Variants in DPP6 observed in about 807,000 individuals in gnomAD.
DPP6 encodes A-type potassium channel modulatory protein DPP6.
In DPP6, 69 loss-of-function variants were observed where a neutral mutation model predicts 122.6. The observed-to-expected ratio is 0.56, with a 90% confidence interval of 0.46 to 0.69. The LOEUF is 0.69. DPP6 is among the 30% of genes least tolerant of loss of function. The pLI, the probability that DPP6 is intolerant of heterozygous loss-of-function variation, is 0.00. For missense variants in DPP6, 928 were observed against 1,116.9 expected, an observed-to-expected ratio of 0.83 and a Z score of 2.41; for synonymous variants, 418 against 433.1, an observed-to-expected ratio of 0.97 and a Z score of 0.43.
chr7:154,352,238 C>T (rs933874554), intron 1 of DPP6, among the ~76,000 whole-genome samples: 2 of 152,082 alleles, frequency 1.3e-5, no homozygotes, highest in Non-Finnish European at 2.9e-5. Context: ...CCGAGGTGGG[C>T]AGATCATGAG....
Position 154,587,934 on chromosome 7 carries a change from C to T in DPP6, c.627+21018C>T, listed in dbSNP as rs1452151582. ...TCCCAGGAGGCAGGACTGCCAATGG[C>T]ACCAGGCTTCGCAGCCATGCACCTG... On this transcript the variant is annotated intron_variant, in intron 5 of 25. Transcript: ENST00000377770. The T allele has an allele frequency of 2.5e-6, 4 of 1,612,920 alleles. No individual in the cohort carries two copies. The Admixed American group carries it at 6.7e-5, about 27-fold the overall frequency.
the DPP6 span, among the ~76,000 whole-genome samples, chr7:153,839,537 C>T: frequency 6.6e-6 from 1 of 152,222 alleles, no homozygotes; most frequent in Non-Finnish European, 1.5e-5. Flanking sequence ...CAACCTCAGA[C>T]AGCCACAACA....
chr7:154,521,175 T>G (rs185155783), intron 3 of DPP6, among the ~76,000 whole-genome samples: 62 of 152,340 alleles, frequency 4.1e-4, no homozygotes, highest in African/African-American at 1.3e-3. Context: ...AGGAAAGGGC[T>G]TGGCTGATAA....
At chr7:154,093,125 AAC>A (rs1027183761) in intron 1 of DPP6, among the ~76,000 whole-genome samples, 3 of 151,346 alleles carry the variant, frequency 2.0e-5, no homozygotes, top group African/African-American at 7.3e-5. Context: ...CACACCACAT[AAC>A]ACACATCCTA....
intron 1 of DPP6, among the ~76,000 whole-genome samples, chr7:154,166,670 G>A (rs1797268279): frequency 7.0e-6 from 1 of 141,882 alleles, no homozygotes; most frequent in African/African-American, 3.0e-5. Context: ...CGGCAATTTG[G>A]GAGGCTGAGG....
chr7:153,867,613 T>G, the DPP6 span, among the ~76,000 whole-genome samples: 1 of 152,200 alleles, frequency 6.6e-6, no homozygotes, highest in African/African-American at 2.4e-5. Context: ...CAATTTGACT[T>G]CCTCTTTTCC....
chr7:154,397,129 A>G (rs572236725), intron 1 of DPP6, among the ~76,000 whole-genome samples: 15 of 150,322 alleles, frequency 1.0e-4, no homozygotes, highest in African/African-American at 1.9e-4. Flanking sequence ...AAATTATAAG[A>G]TAAATTTATA....
At chr7:154,117,664 G>C (rs71532634) in intron 1 of DPP6, among the ~76,000 whole-genome samples, 5 of 152,252 alleles carry the variant, frequency 3.3e-5, no homozygotes, top group African/African-American at 7.2e-5. Flanking sequence ...GTCAAATGTC[G>C]TGAGCTTAGA....
chr7:154,829,447 GA>G lies in DPP6; in HGVS notation c.1666+22337del, dbSNP rs1280140306. On this transcript the variant is annotated intron_variant, in intron 16 of 25. Transcript: ENST00000377770. ...AGGAGGAGAGGAGGAGAGGGGAGGG[GA>G]ATGGTGGGGAGGGGAGGGAGGAGGG... 2.5e-4 allele frequency among the ~76,000 whole-genome samples: 26 copies of G among 103,422 alleles called. No individual in the cohort carries two copies. In the South Asian group the frequency reaches 2.9e-3, roughly 11 times the overall value. The allele number at this position is 103,422 out of a possible 152,430, so 67.8% of individuals were successfully genotyped here. A position where few individuals can be genotyped will look rare whatever the true frequency, so the allele number is the denominator to read the frequency against.
the DPP6 span, among the ~76,000 whole-genome samples, chr7:153,846,687 C>CTTTTTTTTTTTTT: frequency 1.3e-5 from 1 of 78,208 alleles, no homozygotes; most frequent in Non-Finnish European, 2.3e-5. Flanking sequence ...TGGCTTGGTT[C>CTTTTTTTTTTTTT]TTTTTTTTTT....
the DPP6 span, among the ~76,000 whole-genome samples, chr7:153,858,580 GC>G: frequency 6.6e-6 from 1 of 152,102 alleles, no homozygotes; most frequent in African/African-American, 2.4e-5. Context: ...CATGTGCTGG[GC>G]ATTTCCAAGA....
chr7:154,523,717 G>C (rs1219191698), intron 3 of DPP6, among the ~76,000 whole-genome samples: 1 of 152,090 alleles, frequency 6.6e-6, no homozygotes. Context: ...CAGTTGTATT[G>C]TAGGCCCTCC....
intron 1 of DPP6, among the ~76,000 whole-genome samples, chr7:154,086,925 G>A (rs1466444194): frequency 6.6e-6 from 1 of 152,128 alleles, no homozygotes; most frequent in East Asian, 1.9e-4. Context: ...AAGAAGCCAG[G>A]GATCTGTTAA....
At chr7:153,931,012 T>C (rs1801145293) in intron 1 of DPP6, among the ~76,000 whole-genome samples, 1 of 152,220 alleles carries the variant, frequency 6.6e-6, no homozygotes, top group Admixed American at 6.5e-5. Flanking sequence ...AAAAATATTT[T>C]GAACAGCAGC....
At chr7:154,566,817 A>T (rs1361241345) in intron 4 of DPP6, 25 bp from the exon 5 acceptor site, 22 of 1,372,280 alleles carry the variant, frequency 1.6e-5, no homozygotes, top group African/African-American at 2.9e-5. Context: ...ATGCTTTAAA[A>T]TTCTTTGTCT....
chr7:154,055,468 A>AC (rs1200816845), intron 1 of DPP6: 53 of 150,794 alleles, frequency 3.5e-4, no homozygotes, highest in Non-Finnish European at 4.7e-4. Flanking sequence ...AAAAACAAAA[A>AC]AAGAGATTAG....
At chr7:153,782,172 C>T in the DPP6 span, among the ~76,000 whole-genome samples, 4 of 151,942 alleles carry the variant, frequency 2.6e-5, no homozygotes, top group African/African-American at 7.3e-5. Flanking sequence ...CATGATTCCT[C>T]TCAGTCGATA....
chr7:153,804,164 C>A, the DPP6 span, among the ~76,000 whole-genome samples: 1 of 151,982 alleles, frequency 6.6e-6, no homozygotes, highest in Non-Finnish European at 1.5e-5. Flanking sequence ...ATTCTCCTGC[C>A]TCAGCCTCGT....
intron 1 of DPP6, among the ~76,000 whole-genome samples, chr7:153,996,733 A>G (rs1585150846): frequency 6.6e-6 from 1 of 152,262 alleles, no homozygotes; most frequent in African/African-American, 2.4e-5. Context: ...ATCGTCTCCA[A>G]TAGTGGTAAT....
Sources: gnomAD v4.1 joint callset for allele counts (sites outside exome capture counted in the v4.1 genomes callset) on GRCh38, gnomAD v4.1.1 for gene constraint, MANE v1.5 for transcripts, NCBI Gene and HGNC (gene_info 2026-07-23, HGNC 2026-07-21) for gene names.